Variants in GALK2 observed in about 807,000 individuals in gnomAD.
The protein encoded by GALK2 is N-acetylgalactosamine kinase.
Under a neutral mutation model 52.4 loss-of-function variants are expected in GALK2, and 36 were observed. The observed-to-expected ratio is 0.69, with a 90% confidence interval of 0.53 to 0.91. The LOEUF is 0.91. Ranked by LOEUF, GALK2 falls within the 40% of genes least tolerant of loss-of-function variation. The pLI is 0.00. For missense variants in GALK2, 579 were observed against 559.1 expected, an observed-to-expected ratio of 1.04 and a Z score of -0.36; for synonymous variants, 176 against 199.1, an observed-to-expected ratio of 0.88 and a Z score of 0.98.
At chr15:49,358,863 C>T (rs1398126110) in intron 3 of GALK2, among the ~76,000 whole-genome samples, 1 of 151,034 alleles carries the variant, frequency 6.6e-6, no homozygotes, top group African/African-American at 2.4e-5. Context: ...GTAACCAAAA[C>T]AGCATGGTAC....
intron 3 of GALK2, among the ~76,000 whole-genome samples, chr15:49,350,308 C>A (rs766207820): frequency 6.6e-6 from 1 of 152,146 alleles, no homozygotes; most frequent in Non-Finnish European, 1.5e-5. Flanking sequence ...TAAATGACCA[C>A]ACATGGCTAG....
chr15:49,268,195 G>A (rs2092419732), intron 5 of GALK2, among the ~76,000 whole-genome samples: 1 of 152,144 alleles, frequency 6.6e-6, no homozygotes, highest in Non-Finnish European at 1.5e-5. Flanking sequence ...ACTAATGGAG[G>A]AAGACTAATA....
At position 49,319,656 on chromosome 15, in the gene GALK2, G is replaced by A. The variant is rs199834761; in HGVS notation, c.1020G>A (p.Ala340=). 7.4e-5 allele frequency: 120 copies of A among 1,614,018 alleles called. No homozygotes were observed. The highest frequency in any genetic ancestry group is 9.0e-5 in the Non-Finnish European group (106 of 1,180,036). Residue 340 remains alanine, a synonymous_variant, in exon 9 of 10, where the codon GCG becomes GCA. Transcript: ENST00000560031. ...QRAKHVYSEA[A]RVLQFKKICE... ...CAAAGCATGTGTACAGCGAGGCTGC[G>A]CGAGTGCTCCAGTTTAAGAAGATAT... is the stretch of plus-strand genomic sequence containing the variant.
intron 5 of GALK2, among the ~76,000 whole-genome samples, chr15:49,251,580 G>A (rs1287049931): frequency 1.3e-5 from 2 of 152,216 alleles, no homozygotes; most frequent in Middle Eastern, 3.4e-3. Flanking sequence ...ATTGACTATA[G>A]GTGCAATGTT....
chr15:49,307,325 ACG>A (rs2035627168), intron 8 of GALK2, among the ~76,000 whole-genome samples: 1 of 152,176 alleles, frequency 6.6e-6, no homozygotes, highest in Admixed American at 6.5e-5. Flanking sequence ...GAATTGAAAT[ACG>A]GGGGCTTTCA....
At chr15:49,321,311 A>G (rs72727264) in intron 9 of GALK2, among the ~76,000 whole-genome samples, 5,928 of 152,216 alleles carry the variant, frequency 0.039, 223 homozygotes, top group East Asian at 0.17. Context: ...GCAGAGGGCC[A>G]GGAAGGAAGG....
chr15:49,217,405 A>G (rs1357867060), intron 3 of GALK2, 92 bp downstream of exon 3: 2 of 1,200,078 alleles, frequency 1.7e-6, no homozygotes, highest in Non-Finnish European at 2.3e-6. Flanking sequence ...GTAACAGGTC[A>G]TTTAACTTAT....
At chr15:49,202,612 A>G (rs1198483902) in intron 2 of GALK2, among the ~76,000 whole-genome samples, 1 of 152,160 alleles carries the variant, frequency 6.6e-6, no homozygotes, top group African/African-American at 2.4e-5. Context: ...GTGAATGGAC[A>G]TTTATGTTGA....
At chr15:49,156,059 C>G in intron 1 of GALK2, 1 of 1,597,088 alleles carries the variant, frequency 6.3e-7, no homozygotes, top group Non-Finnish European at 8.6e-7. Flanking sequence ...TTAGCCCACA[C>G]ATTGCGGTGG....
chr15:49,190,279 A>G (rs1392934159), intron 1 of GALK2, among the ~76,000 whole-genome samples: 1 of 152,224 alleles, frequency 6.6e-6, no homozygotes, highest in Non-Finnish European at 1.5e-5. Context: ...ACTGATAGCA[A>G]TGCAAATGAT....
At chr15:49,364,874 T>A (rs1162620717) in intron 3 of GALK2, among the ~76,000 whole-genome samples, 3 of 152,044 alleles carry the variant, frequency 2.0e-5, no homozygotes, top group African/African-American at 7.2e-5. Context: ...AAGAAAAATA[T>A]ACTCTATGTA....
At chr15:49,351,349 G>A (rs1266133021) in intron 3 of GALK2, among the ~76,000 whole-genome samples, 6 of 152,126 alleles carry the variant, frequency 3.9e-5, no homozygotes, top group African/African-American at 1.2e-4. Flanking sequence ...TGGAAGATAC[G>A]GAAAGAAGAT....
chr15:49,212,547 C>T (rs2089008543), intron 2 of GALK2, among the ~76,000 whole-genome samples: 1 of 151,994 alleles, frequency 6.6e-6, no homozygotes, highest in African/African-American at 2.4e-5. Context: ...ACTAATTCTG[C>T]ATTTCATTTG....
intron 1 of GALK2, among the ~76,000 whole-genome samples, chr15:49,196,644 T>G (rs1259559237): frequency 6.6e-6 from 1 of 152,250 alleles, no homozygotes; most frequent in Non-Finnish European, 1.5e-5. Flanking sequence ...TCAAGTTTAT[T>G]GAGTCTTTTC....
chr15:49,322,180 T>C (rs1449320311), intron 9 of GALK2, among the ~76,000 whole-genome samples: 1 of 152,244 alleles, frequency 6.6e-6, no homozygotes, highest in East Asian at 1.9e-4. Context: ...GAAAATCCTT[T>C]CTTAATGGCA....
chr15:49,367,357 C>A (rs568131911), intron 3 of GALK2: 34 of 1,144,274 alleles, frequency 3.0e-5, no homozygotes, highest in Non-Finnish European at 3.9e-5. Flanking sequence ...AACATGCATT[C>A]AATTTGTTTC....
chr15:49,365,728 A>G (rs2045043922), intron 3 of GALK2: 1 of 889,074 alleles, frequency 1.1e-6, no homozygotes, highest in Non-Finnish European at 1.9e-6. Flanking sequence ...AATCTCCAAG[A>G]TATCTTGTAA....
chr15:49,354,004 T>C (rs1218361687), intron 3 of GALK2: 2 of 152,226 alleles, frequency 1.3e-5, no homozygotes, highest in Admixed American at 6.5e-5. Flanking sequence ...ATATAAATAA[T>C]GGTAAAAAGA....
intron 3 of GALK2, among the ~76,000 whole-genome samples, chr15:49,351,945 ATAT>A (rs1191797810): frequency 6.6e-6 from 1 of 152,214 alleles, no homozygotes; most frequent in African/African-American, 2.4e-5. Flanking sequence ...ACTCTAATTT[ATAT>A]TATTACCTCT....
Sources: allele counts gnomAD v4.1 joint callset (sites outside exome capture counted in the v4.1 genomes callset), GRCh38; gene constraint gnomAD v4.1.1; transcripts MANE v1.5; gene names NCBI Gene and HGNC (gene_info 2026-07-23, HGNC 2026-07-21).